Variants in ST14 observed in about 807,000 individuals in gnomAD.
ST14 encodes the protein ST14 transmembrane serine protease matriptase, also known as suppressor of tumorigenicity 14 protein.
ST14 carries 40 observed loss-of-function variants against 96.5 expected under a neutral mutation model. The ratio of observed to expected loss-of-function variants is 0.41; its 90% confidence interval spans 0.32 to 0.54. The LOEUF (loss-of-function observed/expected upper bound fraction) is 0.54. ST14 is among the 20% of genes least tolerant of loss of function. The pLI is 0.17. For missense variants in ST14, 1,066 were observed against 1,188.9 expected (o/e 0.90, Z 1.52); for synonymous variants, 506 against 492.1 (o/e 1.03, Z -0.37).
chr11:130,176,681 C>G, intron 1 of ST14, among the ~76,000 whole-genome samples: 1 of 152,064 alleles, frequency 6.6e-6, no homozygotes, highest in Non-Finnish European at 1.5e-5. Flanking sequence ...AGCCACCGCA[C>G]CCGACCTACT....
At chr11:130,194,880 A>G (rs61913755) in intron 9 of ST14, 143 bp downstream of exon 9, 22 of 778,436 alleles carry the variant, frequency 2.8e-5, no homozygotes, top group Admixed American at 1.0e-4. Context: ...GTGTGTGCGT[A>G]TGTGTGTGTG....
intron 1 of ST14, among the ~76,000 whole-genome samples, chr11:130,164,502 T>C (rs1239677411): frequency 6.6e-6 from 1 of 151,444 alleles, no homozygotes; most frequent in Non-Finnish European, 1.5e-5. Context: ...TCACTGCCAC[T>C]TTGACCTCCC....
chr11:130,173,401 A>G (rs1953110062), intron 1 of ST14, among the ~76,000 whole-genome samples: 2 of 152,158 alleles, frequency 1.3e-5, no homozygotes, highest in South Asian at 4.1e-4. Flanking sequence ...AGTCGAGACC[A>G]GCCTGGCCAA....
chr11:130,196,977 G>A (rs543421781), intron 11 of ST14, among the ~76,000 whole-genome samples: 1 of 149,216 alleles, frequency 6.7e-6, no homozygotes, highest in Non-Finnish European at 1.5e-5. Context: ...GAGCTTCCCC[G>A]GCCATCTGTC....
rs1400944359 is a variant in ST14, at chr11:130,200,270, C to G, written c.1994+133C>G. 4.9e-6 allele frequency: 5 copies of G among 1,015,284 alleles called. No homozygotes were observed. In the East Asian group the frequency reaches 1.3e-4, roughly 26 times the overall value. The allele number at this position is 1,015,284 out of a possible 1,614,324, so 62.9% of individuals were successfully genotyped here. A position where few individuals can be genotyped will look rare whatever the true frequency, so the allele number is the denominator to read the frequency against. ...TGTGTTAGTCCATTCTTGAGTTGCT[C>G]TAAAGAAATACCTGAGACTGGGTCA... On this transcript the variant is annotated intron_variant, in intron 16 of 18. Transcript: ENST00000278742.
chr11:130,160,136 C>T, intron 1 of ST14, 76 bp downstream of exon 1: 1 of 1,065,512 alleles, frequency 9.4e-7, no homozygotes, highest in South Asian at 2.7e-5. Flanking sequence ...CTGGGCTCGG[C>T]CGGCTCCCCT....
At chr11:130,160,133 C>G in intron 1 of ST14, 73 bp downstream of exon 1, 1 of 1,084,394 alleles carries the variant, frequency 9.2e-7, no homozygotes, top group Non-Finnish European at 1.2e-6. Context: ...GCGCTGGGCT[C>G]GGCCGGCTCC....
rs573711992 is a variant in ST14, at chr11:130,181,228, A to G, written c.82-6886A>G. On this transcript the variant is annotated intron_variant, in intron 1 of 18. Transcript: ENST00000278742. The surrounding 1 kb of genome is among the most constrained non-coding windows in gnomAD (Gnocchi z 4.1). Reference sequence around the variant, plus strand: ...TGATCTCGCCCCTGCTGGGTGAGATAGTGGTGGTCCCTGTTAGATCCTGGC... The same window carrying G: ...TGATCTCGCCCCTGCTGGGTGAGATGGTGGTGGTCCCTGTTAGATCCTGGC... Among the ~76,000 whole-genome samples, 41 of 152,064 alleles carry G rather than the reference A, an allele frequency of 2.7e-4. No homozygotes were observed. Among genetic ancestry groups the G allele is most frequent in the Middle Eastern group, 3.4e-3 (1 of 292 alleles).
intron 1 of ST14, among the ~76,000 whole-genome samples, chr11:130,183,367 C>T (rs1168217792): frequency 1.3e-5 from 2 of 152,168 alleles, no homozygotes; most frequent in African/African-American, 2.4e-5. Context: ...CACCAGATGT[C>T]TAAAGAAAAC....
intron 14 of ST14, 28 bp downstream of exon 14, chr11:130,198,649 T>C (rs1315350351): frequency 6.3e-7 from 1 of 1,594,480 alleles, no homozygotes; most frequent in East Asian, 2.2e-5. Context: ...CATCTTCCTG[T>C]TGGGGGCCTC....
At chr11:130,209,333 C>T in intron 17 of ST14, 109 bp from the exon 18 acceptor site, 3 of 1,423,104 alleles carry the variant, frequency 2.1e-6, no homozygotes, top group South Asian at 1.2e-5. Flanking sequence ...CAGCCCCGGG[C>T]ATCTGGGCTG....
rs1436542234 is a variant in ST14 at position 130,196,625 on chromosome 11, G to A, written c.1279G>A (p.Val427Ile). ...CACCAGCAACAGCAACAAGATCACA[G>A]TTCGCTTCCACTCAGATCAGTCCTA... ...VVTSNSNKIT[V>I]RFHSDQSYTD... is the part of the protein sequence containing the mutation. The change falls in exon 11 of 19, where the codon GTT becomes ATT. Residue 427 changes from valine to isoleucine, a missense_variant. Transcript: ENST00000278742. The A allele has an allele frequency of 6.2e-7, 1 of 1,613,862 alleles. No individual in the cohort carries two copies. Among genetic ancestry groups the A allele is most frequent in the East Asian group, 2.2e-5 (1 of 44,850 alleles).
chr11:130,205,326 C>T (rs1010780504), intron 16 of ST14, among the ~76,000 whole-genome samples: 1 of 152,184 alleles, frequency 6.6e-6, no homozygotes, highest in Non-Finnish European at 1.5e-5. Flanking sequence ...TGGGGTTTCA[C>T]CATGGTGGCC....
intron 1 of ST14, among the ~76,000 whole-genome samples, chr11:130,184,552 A>G (rs1299347835): frequency 1.3e-5 from 2 of 152,212 alleles, no homozygotes; most frequent in Non-Finnish European, 2.9e-5. Flanking sequence ...TCCTTTCAGT[A>G]TTTCTTTGGT....
intron 1 of ST14, among the ~76,000 whole-genome samples, chr11:130,163,250 C>T (rs1591874578): frequency 2.0e-5 from 3 of 152,122 alleles, no homozygotes; most frequent in South Asian, 2.1e-4. Flanking sequence ...AGGAACTGCT[C>T]GCCAGCAACA....
chr11:130,208,482 G>A lies in ST14; in HGVS notation c.2067G>A (p.Val689=). 6.2e-7 allele frequency: 1 copy of A among 1,614,218 alleles called. No homozygotes were observed. The highest frequency in any genetic ancestry group is 8.5e-7 in the Non-Finnish European group (1 of 1,180,038). ...HDQSQRSAPG[V]QERRLKRIIS... The stretch of plus-strand genomic sequence containing the variant: ...AGAGCCAGCGCAGCGCCCCTGGGGT[G>A]CAGGAGCGCAGGCTCAAGCGCATCA... The change falls in exon 17 of 19, where the codon GTG becomes GTA. Residue 689 remains valine, a synonymous_variant. Transcript: ENST00000278742.
At chr11:130,202,395 A>G (rs1335585866) in intron 16 of ST14, among the ~76,000 whole-genome samples, 1 of 152,204 alleles carries the variant, frequency 6.6e-6, no homozygotes, top group Non-Finnish European at 1.5e-5. Flanking sequence ...CATGACACAC[A>G]TGTGCAGTAA....
chr11:130,179,878 C>T (rs1164954017), intron 1 of ST14, among the ~76,000 whole-genome samples: 2 of 152,198 alleles, frequency 1.3e-5, no homozygotes, highest in Non-Finnish European at 1.5e-5. Context: ...CGGCAGGGAG[C>T]GGCCACGAGG....
chr11:130,187,305 GAC>G lies in ST14; in HGVS notation c.82-806_82-805del, dbSNP rs1371297655. On this transcript the variant is annotated intron_variant, in intron 1 of 18. Coordinates refer to ENST00000278742, the MANE Select transcript of ST14 (RefSeq NM_021978.4). This position sits in a 1 kb window ranked among gnomAD's most constrained non-coding sequence, Gnocchi z 4.5. The stretch of plus-strand genomic sequence containing the variant: ...CGCCGGTCCGTCACTGGGTGCAGCA[GAC>G]ACCCCACCTGCCCCTCCGTATTCTG... 6.6e-6 allele frequency among the ~76,000 whole-genome samples: 1 copy of G among 152,238 alleles called. No homozygotes were observed.
Sources: gnomAD v4.1 joint callset for allele counts (sites outside exome capture counted in the v4.1 genomes callset) on GRCh38, gnomAD v4.1.1 for gene constraint, Gnocchi (gnomAD v3.1) non-coding constraint, MANE v1.5 for transcripts, NCBI Gene and HGNC (gene_info 2026-07-23, HGNC 2026-07-21) for gene names.